SPRED1: variants seen among roughly 807,000 people sequenced by gnomAD.
SPRED1 encodes the protein sprouty-related, EVH1 domain-containing protein 1.
A neutral mutation model predicts 52.3 loss-of-function variants in SPRED1; 18 were observed. The observed-to-expected ratio is 0.34, with a 90% confidence interval of 0.24 to 0.51. The LOEUF (loss-of-function observed/expected upper bound fraction) is 0.51. Among genes scored for constraint, SPRED1 ranks in the 20% least tolerant of loss-of-function variants. The pLI, the probability that SPRED1 is intolerant of heterozygous loss-of-function variation, is 0.97. For missense variants in SPRED1, 485 were observed against 551.0 expected (o/e 0.88, Z 1.20); for synonymous variants, 155 against 179.7 (o/e 0.86, Z 1.10).
intron 1 of SPRED1, among the ~76,000 whole-genome samples, chr15:38,290,295 A>G (rs775018619): frequency 1.2e-4 from 19 of 152,316 alleles, no homozygotes; most frequent in Non-Finnish European, 1.8e-4. Flanking sequence ...GGGAATGGAC[A>G]CTAGTAGTAC....
Position 38,279,551 on chromosome 15 carries a change from A to C in SPRED1, c.33-19822A>C, listed in dbSNP as rs144788450. Among the ~76,000 whole-genome samples the C allele has an allele frequency of 1.6e-4, 25 of 152,322 alleles. No individual in the cohort carries two copies. In the East Asian group the frequency reaches 4.4e-3, roughly 27 times the overall value. On this transcript the variant is annotated intron_variant, in intron 1 of 6. Transcript: ENST00000299084. The stretch of plus-strand genomic sequence containing the variant: ...ATCACAACCTCTGAAGTAAACTTCC[A>C]TTGGTACTTTTGAGTTGCTTCTGCC...
chr15:38,300,983 T>C (rs1282672517), intron 2 of SPRED1, among the ~76,000 whole-genome samples: 1 of 152,120 alleles, frequency 6.6e-6, no homozygotes, highest in Non-Finnish European at 1.5e-5. Flanking sequence ...TTTTTCTAGA[T>C]AAACTTTTTC....
intron 5 of SPRED1, among the ~76,000 whole-genome samples, chr15:38,340,124 GGGACATCAC>G (rs1896000398): frequency 6.6e-6 from 1 of 152,026 alleles, no homozygotes; most frequent in Admixed American, 6.6e-5. Flanking sequence ...ATTGAGCAAG[GGGACATCAC>G]AAGCATTCTT....
chr15:38,269,321 T>C (rs1894380307), intron 1 of SPRED1, among the ~76,000 whole-genome samples: 1 of 152,132 alleles, frequency 6.6e-6, no homozygotes, highest in Non-Finnish European at 1.5e-5. Flanking sequence ...CACAGCACGC[T>C]AACCTCGAAC....
At chr15:38,299,273 A>C in intron 1 of SPRED1, 100 bp from the exon 2 acceptor site, 1 of 1,245,888 alleles carries the variant, frequency 8.0e-7, no homozygotes, top group Admixed American at 1.7e-5. Context: ...TAGTCACCAC[A>C]TGTTAACTAA....
At chr15:38,275,238 G>C (rs1894524988) in intron 1 of SPRED1, among the ~76,000 whole-genome samples, 1 of 151,990 alleles carries the variant, frequency 6.6e-6, no homozygotes, top group African/African-American at 2.4e-5. Context: ...TCATTTTTAT[G>C]CTCTGTTGTC....
chr15:38,280,265 A>G (rs369099712), intron 1 of SPRED1, among the ~76,000 whole-genome samples: 103 of 152,312 alleles, frequency 6.8e-4, no homozygotes, highest in African/African-American at 2.4e-3. Flanking sequence ...AAGGAACACA[A>G]TAGTATAATA....
intron 1 of SPRED1, among the ~76,000 whole-genome samples, chr15:38,272,024 G>A (rs752632329): frequency 6.6e-6 from 1 of 152,108 alleles, no homozygotes; most frequent in Non-Finnish European, 1.5e-5. Context: ...GTTCCTGCCT[G>A]AATTCACTTA....
intron 4 of SPRED1, among the ~76,000 whole-genome samples, chr15:38,336,380 A>ATTGTG (rs1555391795): frequency 7.4e-6 from 1 of 134,316 alleles, no homozygotes; most frequent in Non-Finnish European, 1.6e-5. Flanking sequence ...GATAAAGAAA[A>ATTGTG]TGTGTGTGTG....
At chr15:38,331,131 T>A (rs914206234) in intron 4 of SPRED1, among the ~76,000 whole-genome samples, 1 of 151,940 alleles carries the variant, frequency 6.6e-6, no homozygotes, top group African/African-American at 2.4e-5. Flanking sequence ...AGAGAATAAT[T>A]CTTACACCAG....
In SPRED1 at chr15:38,339,799, T is replaced by G. The variant is rs2141007825; in HGVS notation, c.486T>G (p.Val162=). The G allele has an allele frequency of 6.2e-7, 1 of 1,613,956 alleles. No homozygotes were observed. The highest frequency in any genetic ancestry group is 8.5e-7 in the Non-Finnish European group (1 of 1,179,938). Residue 162 remains valine, a synonymous_variant, in exon 5 of 7, where the codon GTT becomes GTG. Coordinates refer to ENST00000299084, the MANE Select transcript of SPRED1 (RefSeq NM_152594.3). ...ATCACCTTTTTCAGCAAGAGACAGT[T>G]GTTACCAGTGAGCCTTATAGAAGCT... ...VKDHLFQQET[V]VTSEPYRSSN...
intron 2 of SPRED1, among the ~76,000 whole-genome samples, chr15:38,321,075 G>A (rs989412724): frequency 6.6e-6 from 1 of 152,158 alleles, no homozygotes; most frequent in African/African-American, 2.4e-5. Context: ...TCACCATACT[G>A]TGATTACATA....
intron 5 of SPRED1, among the ~76,000 whole-genome samples, chr15:38,344,453 A>G (rs888697458): frequency 6.6e-6 from 1 of 152,128 alleles, no homozygotes; most frequent in African/African-American, 2.4e-5. Flanking sequence ...GGCGGTTATG[A>G]TGGGGTGGTT....
At chr15:38,286,734 T>A (rs1566855528) in intron 1 of SPRED1, among the ~76,000 whole-genome samples, 1 of 152,172 alleles carries the variant, frequency 6.6e-6, no homozygotes, top group African/African-American at 2.4e-5. Context: ...TAAGAATAAA[T>A]GTTGAATTTT....
At chr15:38,255,973 C>T (rs1227537245) in intron 1 of SPRED1, among the ~76,000 whole-genome samples, 1 of 147,472 alleles carries the variant, frequency 6.8e-6, no homozygotes, top group African/African-American at 2.5e-5. Flanking sequence ...AGTAGGGCCT[C>T]ATTCTGAAAT....
intron 1 of SPRED1, among the ~76,000 whole-genome samples, chr15:38,266,016 C>G (rs1894300550): frequency 1.3e-5 from 2 of 152,148 alleles, no homozygotes; most frequent in African/African-American, 4.8e-5. Context: ...AGCTGATGGT[C>G]TGTATGCTCA....
chr15:38,300,743 T>G (rs926029894), intron 2 of SPRED1, among the ~76,000 whole-genome samples: 3 of 152,122 alleles, frequency 2.0e-5, no homozygotes, highest in Non-Finnish European at 2.9e-5. Context: ...AAGTCAAAAG[T>G]GAAATATGAT....
chr15:38,278,842 T>TTTTTTTA (rs1370808314), intron 1 of SPRED1, among the ~76,000 whole-genome samples: 1 of 150,610 alleles, frequency 6.6e-6, no homozygotes, highest in Non-Finnish European at 1.5e-5. Flanking sequence ...TTTTTTTTTT[T>TTTTTTTA]TGTGAAATGA....
intron 4 of SPRED1, among the ~76,000 whole-genome samples, chr15:38,334,842 T>G (rs986382534): frequency 6.6e-6 from 1 of 152,018 alleles, no homozygotes; most frequent in South Asian, 2.1e-4. Context: ...TGTGTATCTG[T>G]ATATACAGTC....
Sources: allele counts gnomAD v4.1 joint callset (sites outside exome capture counted in the v4.1 genomes callset), GRCh38; gene constraint gnomAD v4.1.1; transcripts MANE v1.5; gene names NCBI Gene and HGNC (gene_info 2026-07-23, HGNC 2026-07-21).